The following NRXN3 variants were observed in gnomAD, a reference collection of about 807,000 sequenced individuals.
NRXN3 encodes neurexin III.
A neutral mutation model predicts 137.6 loss-of-function variants in NRXN3; 32 were observed. That is an observed-to-expected ratio of 0.23 (90% CI 0.18 to 0.31). NRXN3 has a LOEUF of 0.31. Among genes scored for constraint, NRXN3 ranks in the 10% least tolerant of loss-of-function variants. The pLI is 1.00. For missense variants in NRXN3, 1,574 were observed against 2,062.5 expected, an observed-to-expected ratio of 0.76 and a Z score of 4.59; for synonymous variants, 798 against 784.5, an observed-to-expected ratio of 1.02 and a Z score of -0.29.
At chr14:79,582,026 G>A (rs116615335) in intron 16 of NRXN3, among the ~76,000 whole-genome samples, 164 of 152,232 alleles carry the variant, frequency 1.1e-3, no homozygotes, top group African/African-American at 3.8e-3. Context: ...TCCCAGGCTC[G>A]TGATTCACCT....
intron 4 of NRXN3, among the ~76,000 whole-genome samples, chr14:78,520,352 A>G (rs751985266): frequency 5.9e-5 from 9 of 152,162 alleles, no homozygotes; most frequent in Non-Finnish European, 1.3e-4. Flanking sequence ...ATATTTTAGC[A>G]TTTAATTAAT....
At chr14:78,187,407 A>T (rs10147619) in intron 1 of NRXN3, among the ~76,000 whole-genome samples, 1 of 151,740 alleles carries the variant, frequency 6.6e-6, no homozygotes, top group African/African-American at 2.4e-5. Context: ...TTACCTCCTG[A>T]GTCTACATGC....
chr14:79,562,282 G>A (rs577479166), intron 16 of NRXN3, among the ~76,000 whole-genome samples: 1 of 152,146 alleles, frequency 6.6e-6, no homozygotes, highest in East Asian at 1.9e-4. Flanking sequence ...GCAAATTATA[G>A]GCCCTATTTT....
chr14:79,457,592 A>G (rs751088762), intron 15 of NRXN3, among the ~76,000 whole-genome samples: 11 of 152,168 alleles, frequency 7.2e-5, no homozygotes, highest in Non-Finnish European at 1.5e-4. Context: ...GAATCAAATC[A>G]TCACCCTTCA....
chr14:78,834,907 A>AT (rs899277251), intron 10 of NRXN3, among the ~76,000 whole-genome samples: 27 of 151,536 alleles, frequency 1.8e-4, no homozygotes, highest in East Asian at 1.4e-3. Flanking sequence ...CTCCTTGAGA[A>AT]TTTTTTTTTG....
chr14:78,681,511 A>G (rs1275402731), intron 6 of NRXN3, among the ~76,000 whole-genome samples: 2 of 152,186 alleles, frequency 1.3e-5, no homozygotes, highest in African/African-American at 4.8e-5. Flanking sequence ...TGGTTTGTAA[A>G]TTGCTCTGTG....
intron 15 of NRXN3, among the ~76,000 whole-genome samples, chr14:79,115,186 G>A (rs372198827): frequency 3.4e-4 from 51 of 152,094 alleles, no homozygotes; most frequent in African/African-American, 1.1e-3. Flanking sequence ...TTAGACAGAC[G>A]TGGTGGCACA....
At position 79,541,271 on chromosome 14, in the gene NRXN3, C is replaced by T. The variant is rs531288200; in HGVS notation, c.3444+73869C>T. Among the ~76,000 whole-genome samples the T allele has an allele frequency of 3.5e-4, 54 of 152,122 alleles. No homozygotes were observed. In the South Asian group the frequency reaches 3.9e-3, roughly 11 times the overall value. On this transcript the variant is annotated intron_variant, in intron 16 of 20. Coordinates refer to ENST00000335750, the MANE Select transcript of NRXN3 (RefSeq NM_001330195.2). Reference sequence around the variant, plus strand: ...TACAAAAATTAGCCGGGTGTGGTGGCGCATGCCTGTAATCCCAACGATTCA... The same window carrying T: ...TACAAAAATTAGCCGGGTGTGGTGGTGCATGCCTGTAATCCCAACGATTCA...
chr14:78,933,666 A>G (rs927583527), intron 10 of NRXN3, among the ~76,000 whole-genome samples: 4 of 152,156 alleles, frequency 2.6e-5, no homozygotes, highest in African/African-American at 9.7e-5. Flanking sequence ...GCTAGATCTA[A>G]CCATTTTGTT....
chr14:78,836,439 G>A (rs970749598), intron 10 of NRXN3, among the ~76,000 whole-genome samples: 7 of 152,180 alleles, frequency 4.6e-5, no homozygotes, highest in Admixed American at 2.6e-4. Flanking sequence ...GCTGGCCAAA[G>A]TGTAGTTTCC....
chr14:78,728,921 A>G (rs1190783055), intron 8 of NRXN3, among the ~76,000 whole-genome samples: 1 of 152,034 alleles, frequency 6.6e-6, no homozygotes, highest in Non-Finnish European at 1.5e-5. Flanking sequence ...ACAAACAACA[A>G]CAAAAAGCTG....
chr14:79,609,470 G>A (rs1205360552), intron 16 of NRXN3, among the ~76,000 whole-genome samples: 2 of 152,120 alleles, frequency 1.3e-5, no homozygotes, highest in Admixed American at 6.5e-5. Context: ...CAGAGTAAGA[G>A]GAATAATAAG....
At chr14:79,795,658 A>G (rs1187536483) in intron 19 of NRXN3, among the ~76,000 whole-genome samples, 1 of 152,178 alleles carries the variant, frequency 6.6e-6, no homozygotes, top group Non-Finnish European at 1.5e-5. Flanking sequence ...AACTTCTGCT[A>G]TTGCTGTAAC....
chr14:78,170,408 T>A lies in NRXN3; in HGVS notation c.-970T>A, dbSNP rs1203212506. The A allele has an allele frequency of 6.6e-6, 1 of 152,230 alleles. No homozygotes were observed. The highest frequency in any genetic ancestry group is 1.5e-5 in the Non-Finnish European group (1 of 68,072). The allele number at this position is 152,230 out of a possible 1,614,324, so 9.4% of individuals were successfully genotyped here. On this transcript the variant is annotated 5_prime_UTR_variant, in exon 1 of 21. Transcript: ENST00000335750. ...TCAGCGCTCAGCCCTACACATCGCC[T>A]CTTGCATGCAACTCACAGAGAGGGA...
At chr14:79,565,304 C>CATATACACACACATGTGTGTGTAT (rs1567520441) in intron 16 of NRXN3, among the ~76,000 whole-genome samples, 3 of 119,654 alleles carry the variant, frequency 2.5e-5, no homozygotes, top group Non-Finnish European at 5.2e-5. Context: ...TGTGTATATA[C>CATATACACACACATGTGTGTGTAT]ATATACACAC....
At chr14:78,899,254 G>A (rs189292335) in intron 10 of NRXN3, among the ~76,000 whole-genome samples, 88 of 152,060 alleles carry the variant, frequency 5.8e-4, no homozygotes, top group African/African-American at 1.8e-3. Context: ...CACTTCACAA[G>A]GGTTTGCCCT....
intron 15 of NRXN3, among the ~76,000 whole-genome samples, chr14:79,321,265 A>T (rs1284873291): frequency 6.6e-6 from 1 of 152,162 alleles, no homozygotes; most frequent in African/African-American, 2.4e-5. Flanking sequence ...GTTAGATTTC[A>T]AAATCAGTCA....
At chr14:79,157,531 C>G (rs538710991) in intron 15 of NRXN3, among the ~76,000 whole-genome samples, 1 of 151,886 alleles carries the variant, frequency 6.6e-6, no homozygotes, top group South Asian at 2.1e-4. Context: ...CAGAAAGCAG[C>G]AAATACTTAT....
In NRXN3 at chr14:78,926,932, AT is replaced by A. The variant is rs1234481277; in HGVS notation, c.2276-30307del. On this transcript the variant is annotated intron_variant, in intron 10 of 20. Coordinates refer to ENST00000335750, the MANE Select transcript of NRXN3 (RefSeq NM_001330195.2). ...ATAATATATATATAATATATAATAT[AT>A]TTATATATATATATAATATATATAA... Among the ~76,000 whole-genome samples, 23 of 34,264 alleles carry A rather than the reference AT, an allele frequency of 6.7e-4. 2 individuals carry two copies. The highest frequency in any genetic ancestry group is 2.1e-3 in the South Asian group (3 of 1,406). The allele number at this position is 34,264 out of a possible 152,430, so 22.5% of individuals were successfully genotyped here.
Sources: gnomAD v4.1 joint callset for allele counts (sites outside exome capture counted in the v4.1 genomes callset) on GRCh38, gnomAD v4.1.1 for gene constraint, MANE v1.5 for transcripts, NCBI Gene and HGNC (gene_info 2026-07-23, HGNC 2026-07-21) for gene names.